The following SULT1A1 variants were observed in gnomAD, a reference collection of about 807,000 sequenced individuals.
SULT1A1 encodes sulfotransferase family 1A member 1, also known as sulfotransferase 1A1.
In SULT1A1, 35 loss-of-function variants were observed where a neutral mutation model predicts 36.8. The observed-to-expected ratio is 0.95, with a 90% CI of 0.73 to 1.26. SULT1A1 has a LOEUF of 1.26. SULT1A1 is among the 50% of genes most tolerant of loss of function. The pLI is 0.00. For missense variants in SULT1A1, 309 were observed against 383.0 expected (o/e 0.81, Z 1.61); for synonymous variants, 119 against 146.0 (o/e 0.82, Z 1.33).
Position 28,608,713 on chromosome 16 carries a change from T to C in SULT1A1, c.143A>G (p.Lys48Arg). ...PDDLLISTYP[K>R]SGTTWVSQIL... ...GGGTGGCCCTCCTCACTTACCGGAC[T>C]TGGGGTAGGTGCTGATGAGCAGGTC... The change falls in exon 2 of 8, where the codon AAG (lysine) becomes AGG (arginine). Residue 48 changes from lysine to arginine, a missense_variant. By Grantham distance (26) the Lys-to-Arg change is conservative. Coordinates refer to ENST00000314752, the MANE Select transcript of SULT1A1 (RefSeq NM_001055.4). 1 of 1,612,816 alleles carries C rather than the reference T, an allele frequency of 6.2e-7. No individual in the cohort carries two copies.
At chr16:28,611,074 C>G (rs1223908512), upstream of SULT1A1, 2 of 152,354 alleles carry the variant, frequency 1.3e-5, no homozygotes, top group Non-Finnish European at 2.9e-5. Flanking sequence ...ATCCCCGTGA[C>G]TGGCAGGTCC....
At chr16:28,611,259 G>A (rs2047443351), upstream of SULT1A1, 1 of 152,166 alleles carries the variant, frequency 6.6e-6, no homozygotes, top group African/African-American at 2.4e-5. Context: ...CCAGGCAGCA[G>A]TTTCACATGA....
intron 1 of SULT1A1, among the ~76,000 whole-genome samples, chr16:28,622,664 G>T (rs1358940676): frequency 6.6e-6 from 1 of 151,900 alleles, no homozygotes; most frequent in African/African-American, 2.4e-5. Flanking sequence ...CCCAGGCGTG[G>T]ATTTTCTGAA....
exon 1 of SULT1A1, chr16:28,623,286 G>C: frequency 6.5e-7 from 1 of 1,539,822 alleles, no homozygotes; most frequent in South Asian, 1.2e-5. Context: ...CACCAACGTG[G>C]CCACGCGCCG....
intron 2 of SULT1A1, among the ~76,000 whole-genome samples, chr16:28,615,803 T>C (rs2047531180): frequency 6.6e-6 from 1 of 152,184 alleles, no homozygotes; most frequent in Non-Finnish European, 1.5e-5. Context: ...ACGTGTCCAC[T>C]GGACAGGGGG....
intron 1 of SULT1A1, chr16:28,620,273 A>G (rs2047625772): frequency 1.3e-6 from 1 of 788,630 alleles, no homozygotes; most frequent in Non-Finnish European, 2.0e-6. Context: ...CTACAGTGAA[A>G]AGAGAACATA....
At chr16:28,610,323 G>C (rs1380286347), upstream of SULT1A1, 2 of 798,712 alleles carry the variant, frequency 2.5e-6, no homozygotes, top group Non-Finnish European at 3.3e-6. Flanking sequence ...ACCTGCCCCT[G>C]AACTCCACCC....
intron 6 of SULT1A1, 96 bp from the exon 7 acceptor site, chr16:28,606,332 C>T: frequency 1.3e-6 from 2 of 1,586,592 alleles, no homozygotes; most frequent in Non-Finnish European, 1.7e-6. Flanking sequence ...GATCTGGCCA[C>T]TTCTCCTAGA....
At chr16:28,609,549 C>A in intron 1 of SULT1A1, 1 of 506,082 alleles carries the variant, frequency 2.0e-6, no homozygotes, top group African/African-American at 1.9e-5. Context: ...AGTTGGAGAC[C>A]AACCTGGTGC....
intron 1 of SULT1A1, chr16:28,609,183 C>A (rs1347476504): frequency 1.5e-6 from 2 of 1,347,938 alleles, no homozygotes; most frequent in Admixed American, 3.1e-5. Flanking sequence ...GAGAGTCCAG[C>A]TGCACTGAGG....
At chr16:28,621,482 CAAAAAA>C (rs59910514) in intron 1 of SULT1A1, among the ~76,000 whole-genome samples, 7 of 59,544 alleles carry the variant, frequency 1.2e-4, no homozygotes, top group East Asian at 5.3e-4. Flanking sequence ...GACTCTGTCT[CAAAAAA>C]AAAAAAAAAA....
At chr16:28,607,728 GATA>G (rs2047272556) in intron 4 of SULT1A1, 1 of 149,974 alleles carries the variant, frequency 6.7e-6, no homozygotes, top group African/African-American at 2.5e-5. Context: ...GCACTGGAGT[GATA>G]ATAACTCACT....
In SULT1A1 at chr16:28,608,347, T is replaced by G. The variant is rs2047303900; in HGVS notation, c.316A>C (p.Lys106Gln). ...LKDTPAPRLLKTHLPLALLPQ... is the reference protein window; with the variant it reads ...LKDTPAPRLLQTHLPLALLPQ... ...AGCAGAGCCAGGGGCAGGTGTGTCT[T>G]CAGGAGTCGTGGGGCCGGTGTGTCT... Residue 106 changes from lysine (K) to glutamine (Q), a missense_variant, in exon 4 of 8, where the codon AAG becomes CAG. Transcript: ENST00000314752. 9 of 1,612,338 alleles carry G rather than the reference T, an allele frequency of 5.6e-6. No individual in the cohort carries two copies. Among genetic ancestry groups the G allele is most frequent in the Non-Finnish European group, 7.6e-6 (9 of 1,178,656 alleles).
At chr16:28,620,238 C>T (rs1416509440) in intron 1 of SULT1A1, 3 of 1,086,884 alleles carry the variant, frequency 2.8e-6, no homozygotes, top group South Asian at 1.4e-5. Context: ...CCATCACTAT[C>T]ATCCATCAAT....
At chr16:28,609,106 G>A (rs41278146) in intron 1 of SULT1A1, 15 of 1,427,996 alleles carry the variant, frequency 1.1e-5, no homozygotes, top group Admixed American at 2.8e-5. Context: ...CCTGGGCCAT[G>A]GTGCAGACCA....
chr16:28,617,810 G>A (rs773044437), intron 2 of SULT1A1, among the ~76,000 whole-genome samples: 1 of 152,004 alleles, frequency 6.6e-6, no homozygotes, highest in Non-Finnish European at 1.5e-5. Context: ...GATTACAGGT[G>A]TGAGTTGTCG....
chr16:28,609,599 T>A, intron 1 of SULT1A1: 2 of 408,484 alleles, frequency 4.9e-6, no homozygotes, highest in African/African-American at 2.0e-5. Flanking sequence ...TTTAAAAAAA[T>A]TCTTAAACAT....
rs2047330855 is a variant in SULT1A1, at chr16:28,608,783, C to T, written c.73G>A (p.Ala25Thr). Residue 25 changes from alanine (A) to threonine (T), a missense_variant, in exon 2 of 8, where the codon GCA becomes ACA. Transcript: ENST00000314752. ...CTCTGCAGGGGCCCCAGTGCCTCTG[C>T]AAAGTACTTGATGAGCGGGACCCCC... Reference protein sequence around the residue: ...VKGVPLIKYFAEALGPLQSFQ... With the variant: ...VKGVPLIKYFTEALGPLQSFQ... 1.9e-6 allele frequency: 3 copies of T among 1,612,430 alleles called. No individual in the cohort carries two copies. The highest frequency in any genetic ancestry group is 1.7e-6 in the Non-Finnish European group (2 of 1,179,482).
intron 2 of SULT1A1, among the ~76,000 whole-genome samples, chr16:28,616,653 C>T (rs1160685544): frequency 6.6e-6 from 1 of 152,066 alleles, no homozygotes; most frequent in Non-Finnish European, 1.5e-5. Flanking sequence ...GAACTCCTAA[C>T]CTCAAGGGAT....
Sources: gnomAD v4.1 joint callset for allele counts (sites outside exome capture counted in the v4.1 genomes callset) on GRCh38, gnomAD v4.1.1 for gene constraint, MANE v1.5 for transcripts, NCBI Gene and HGNC (gene_info 2026-07-23, HGNC 2026-07-21) for gene names.